LTBP1: variants seen among roughly 807,000 people sequenced by gnomAD.
The protein encoded by LTBP1 is latent-transforming growth factor beta-binding protein 1.
Under a neutral mutation model 207.6 loss-of-function variants are expected in LTBP1, and 129 were observed. That is an observed-to-expected ratio of 0.62 (90% confidence interval 0.54 to 0.72). The LOEUF is 0.72. Among genes scored for constraint, LTBP1 ranks in the 30% least tolerant of loss-of-function variants. The pLI is 0.00. For synonymous variants in LTBP1, 963 were observed against 833.7 expected (o/e 1.16, Z -2.67); for missense variants, 2,281 against 2,217.2 (o/e 1.03, Z -0.58).
chr2:33,379,080 T>C (rs1477121120), intron 31 of LTBP1, among the ~76,000 whole-genome samples: 1 of 152,110 alleles, frequency 6.6e-6, no homozygotes, highest in Non-Finnish European at 1.5e-5. Flanking sequence ...TGCTTCCTTC[T>C]GGGCTTCAAG....
chr2:33,141,617 G>T (rs2082650694), intron 5 of LTBP1, among the ~76,000 whole-genome samples: 1 of 152,108 alleles, frequency 6.6e-6, no homozygotes, highest in African/African-American at 2.4e-5. Flanking sequence ...TTGGTGGAAG[G>T]CGTGGTTGCT....
At chr2:33,102,263 G>T (rs1426881825) in intron 3 of LTBP1, among the ~76,000 whole-genome samples, 1 of 152,102 alleles carries the variant, frequency 6.6e-6, no homozygotes. Context: ...ATTGGGCCAG[G>T]TACTTTTTCT....
At chr2:33,087,084 C>CTTTTTTTTGTTTTTTTTTTT (rs2078804650) in intron 3 of LTBP1, among the ~76,000 whole-genome samples, 1 of 89,026 alleles carries the variant, frequency 1.1e-5, no homozygotes, top group Non-Finnish European at 2.1e-5. Context: ...CTCCTTTATG[C>CTTTTTTTTGTTTTTTTTTTT]TTTTTTTTTT....
At chr2:33,049,962 C>G (rs2076643381) in intron 3 of LTBP1, among the ~76,000 whole-genome samples, 1 of 151,898 alleles carries the variant, frequency 6.6e-6, no homozygotes, top group Admixed American at 6.6e-5. Context: ...CCACCTCATC[C>G]TCCTGAGTAG....
At chr2:33,191,643 G>T (rs545589646) in intron 7 of LTBP1, among the ~76,000 whole-genome samples, 2 of 152,178 alleles carry the variant, frequency 1.3e-5, no homozygotes, top group Non-Finnish European at 2.9e-5. Flanking sequence ...GAAAACATTT[G>T]TGCTTTCTTG....
At chr2:33,365,800 T>TCACC (rs2094979640) in intron 31 of LTBP1, among the ~76,000 whole-genome samples, 1 of 152,190 alleles carries the variant, frequency 6.6e-6, no homozygotes, top group Non-Finnish European at 1.5e-5. Flanking sequence ...GCTTAGAATT[T>TCACC]ATATTTCCTG....
chr2:33,394,648 C>T (rs55908161), intron 32 of LTBP1, among the ~76,000 whole-genome samples: 12,530 of 152,100 alleles, frequency 0.082, 568 homozygotes, highest in Non-Finnish European at 0.1. Flanking sequence ...GGCTCTGTTC[C>T]GTTCCATTGG....
At chr2:33,056,259 T>G in intron 3 of LTBP1, 2 of 480,242 alleles carry the variant, frequency 4.2e-6, no homozygotes, top group Non-Finnish European at 7.0e-6. Flanking sequence ...ATTTCAAGGG[T>G]GAGCCTGTGA....
At chr2:33,168,399 C>CAAAAA (rs10616798) in intron 5 of LTBP1, among the ~76,000 whole-genome samples, 2 of 103,812 alleles carry the variant, frequency 1.9e-5, no homozygotes, top group African/African-American at 7.2e-5. Context: ...GTCTTTGTCT[C>CAAAAA]AAAAAAAAAA....
At chr2:33,039,035 C>G (rs2076059007) in intron 3 of LTBP1, among the ~76,000 whole-genome samples, 1 of 152,196 alleles carries the variant, frequency 6.6e-6, no homozygotes, top group Non-Finnish European at 1.5e-5. Context: ...AATCTCATCT[C>G]CTGGTTCTTC....
intron 19 of LTBP1, among the ~76,000 whole-genome samples, chr2:33,286,619 T>C (rs1558948910): frequency 6.6e-6 from 1 of 152,236 alleles, no homozygotes; most frequent in Non-Finnish European, 1.5e-5. Flanking sequence ...AAGCTATTTA[T>C]TGAGCTGTTG....
At chr2:33,227,773 A>G (rs1264018136) in intron 9 of LTBP1, among the ~76,000 whole-genome samples, 1 of 133,496 alleles carries the variant, frequency 7.5e-6, no homozygotes, top group African/African-American at 2.8e-5. Context: ...GAAAGGGTTC[A>G]TTTGTTATTG....
At chr2:33,208,135 G>C (rs2090017279) in intron 7 of LTBP1, among the ~76,000 whole-genome samples, 1 of 152,212 alleles carries the variant, frequency 6.6e-6, no homozygotes, top group Non-Finnish European at 1.5e-5. Flanking sequence ...TTGTTTACTA[G>C]AATACCCCAA....
In LTBP1 at chr2:32,947,521, C is replaced by G; in HGVS notation, c.197C>G (p.Ser66Trp). The G allele has an allele frequency of 7.1e-7, 1 of 1,399,984 alleles. No individual in the cohort carries two copies. The highest frequency in any genetic ancestry group is 2.6e-4 in the Middle Eastern group (1 of 3,852). 86.7% of individuals were successfully genotyped at this position (1,399,984 alleles called of 1,614,324 possible). The change falls in exon 1 of 34, where the codon TCG becomes TGG. Residue 66 changes from serine (S) to tryptophan (W), a missense_variant. Coordinates refer to ENST00000404816, the MANE Select transcript of LTBP1 (RefSeq NM_206943.4). ...VALNARYSRS[S>W]AAAGAPSRAS... ...CTCAACGCCAGGTACAGCCGCAGCT[C>G]GGCGGCTGCCGGCGCCCCCAGCCGT...
intron 4 of LTBP1, among the ~76,000 whole-genome samples, chr2:33,114,071 A>G (rs1160149629): frequency 6.6e-6 from 1 of 152,154 alleles, no homozygotes; most frequent in Non-Finnish European, 1.5e-5. Flanking sequence ...CGAACTCCTG[A>G]CCTCAAGTGA....
Position 33,134,822 on chromosome 2 carries a change from G to A in LTBP1, c.1063G>A (p.Val355Ile). The A allele has an allele frequency of 1.2e-6, 2 of 1,614,096 alleles. No homozygotes were observed. Among genetic ancestry groups the A allele is most frequent in the South Asian group, 1.1e-5 (1 of 91,072 alleles). The stretch of plus-strand genomic sequence containing the variant: ...TAACCACACTGGCCGCATCAAGGTG[G>A]TCTTTACTCCGAGCATCTGTAAAGT... ...LSNHTGRIKVVFTPSICKVTC... is the reference protein window; with the variant it reads ...LSNHTGRIKVIFTPSICKVTC... Residue 355 changes from valine (V) to isoleucine (I), a missense_variant, in exon 5 of 34, where the codon GTC becomes ATC. Transcript: ENST00000404816. The surrounding 1 kb of genome is among the most constrained non-coding windows in gnomAD (Gnocchi z 4.4).
intron 7 of LTBP1, among the ~76,000 whole-genome samples, chr2:33,195,570 T>C (rs1242391888): frequency 6.6e-6 from 1 of 152,212 alleles, no homozygotes. Context: ...CAAACTTGAA[T>C]GGATGAGGAG....
chr2:33,055,565 T>TAAGA (rs1409947540), intron 3 of LTBP1, among the ~76,000 whole-genome samples: 1 of 152,200 alleles, frequency 6.6e-6, no homozygotes, highest in East Asian at 1.9e-4. Context: ...TTTACTTGAC[T>TAAGA]AAGATACCAG....
chr2:33,308,441 T>C (rs2094132106), intron 22 of LTBP1, among the ~76,000 whole-genome samples: 1 of 152,250 alleles, frequency 6.6e-6, no homozygotes, highest in Non-Finnish European at 1.5e-5. Context: ...TTGATCTTGC[T>C]GTTCTCCTTC....
Sources: allele counts gnomAD v4.1 joint callset (sites outside exome capture counted in the v4.1 genomes callset), GRCh38; gene constraint gnomAD v4.1.1; non-coding constraint Gnocchi (gnomAD v3.1); transcripts MANE v1.5; gene names NCBI Gene and HGNC (gene_info 2026-07-23, HGNC 2026-07-21).